The following BMPER variants were observed in gnomAD, a reference collection of about 807,000 sequenced individuals.
BMPER encodes BMP binding endothelial regulator, also known as BMP-binding endothelial regulator protein.
BMPER carries 45 observed loss-of-function variants against 87.3 expected under a neutral mutation model. The observed-to-expected ratio is 0.52, with a 90% confidence interval of 0.41 to 0.66. The LOEUF (loss-of-function observed/expected upper bound fraction) is 0.66. Ranked by LOEUF, BMPER falls within the 30% of genes least tolerant of loss-of-function variation. BMPER has a pLI of 0.00. For missense variants in BMPER, 784 were observed against 867.5 expected, an observed-to-expected ratio of 0.90 and a Z score of 1.21; for synonymous variants, 326 against 316.2, an observed-to-expected ratio of 1.03 and a Z score of -0.33.
rs746970847 is a variant in BMPER, at chr7:34,055,135, A to T, written c.787-28A>T. The T allele has an allele frequency of 4.3e-6, 7 of 1,613,922 alleles. No individual in the cohort carries two copies. In the East Asian group the frequency reaches 1.6e-4, roughly 36 times the overall value. On this transcript the variant is annotated intron_variant, in intron 8 of 14. Coordinates refer to ENST00000649409, the MANE Select transcript of BMPER (RefSeq NM_001365308.1). Reference sequence around the variant, plus strand: ...TTTGGTAGAGGCGAAAATCATTTTTAATTTCTATTTTGCCTTTGGGCCCCC... The same window carrying T: ...TTTGGTAGAGGCGAAAATCATTTTTTATTTCTATTTTGCCTTTGGGCCCCC...
chr7:34,013,314 T>A (rs1353918251), intron 6 of BMPER, among the ~76,000 whole-genome samples: 1 of 151,748 alleles, frequency 6.6e-6, no homozygotes, highest in East Asian at 2.0e-4. Flanking sequence ...CTGAGTCCTA[T>A]AGAGTTTGTA....
intron 6 of BMPER, among the ~76,000 whole-genome samples, chr7:34,029,970 G>T: frequency 6.6e-6 from 1 of 152,032 alleles, no homozygotes; most frequent in Non-Finnish European, 1.5e-5. Context: ...TTGGAAAAGG[G>T]TCATGTTGAA....
At chr7:33,956,784 A>T (rs1184861118) in intron 3 of BMPER, among the ~76,000 whole-genome samples, 2 of 152,246 alleles carry the variant, frequency 1.3e-5, no homozygotes, top group African/African-American at 4.8e-5. Flanking sequence ...ACAGTGTATA[A>T]TACACATAAC....
At chr7:34,117,188 T>A (rs1198940357) in intron 13 of BMPER, among the ~76,000 whole-genome samples, 4 of 152,196 alleles carry the variant, frequency 2.6e-5, no homozygotes, top group African/African-American at 9.6e-5. Context: ...TTATTTATAA[T>A]ACAAAATGTT....
intron 13 of BMPER, among the ~76,000 whole-genome samples, chr7:34,117,833 A>G (rs1208123640): frequency 6.6e-6 from 1 of 152,208 alleles, no homozygotes; most frequent in Non-Finnish European, 1.5e-5. Flanking sequence ...TTAATGTAAT[A>G]AGCGCAGGCC....
chr7:34,051,139 C>G (rs1448487387), intron 7 of BMPER, among the ~76,000 whole-genome samples: 1 of 152,106 alleles, frequency 6.6e-6, no homozygotes. Flanking sequence ...TGAGGGTTCT[C>G]TCTGGAGCCT....
chr7:34,124,724 A>T (rs1790355308), intron 13 of BMPER, among the ~76,000 whole-genome samples: 1 of 152,154 alleles, frequency 6.6e-6, no homozygotes, highest in African/African-American at 2.4e-5. Context: ...AATGAAAAGC[A>T]TCCTTTTTTT....
At chr7:33,970,581 C>G (rs995436554) in intron 5 of BMPER, among the ~76,000 whole-genome samples, 162 bp downstream of exon 5, 19 of 152,156 alleles carry the variant, frequency 1.2e-4, no homozygotes, top group Non-Finnish European at 2.4e-4. Flanking sequence ...GCTTGGCTGC[C>G]TCGGTGTGCC....
intron 6 of BMPER, among the ~76,000 whole-genome samples, chr7:33,991,752 T>C (rs1462595523): frequency 2.0e-5 from 3 of 149,912 alleles, no homozygotes; most frequent in Non-Finnish European, 3.0e-5. Flanking sequence ...TTGTGGGCAT[T>C]TAGTGCTATA....
chr7:34,003,776 A>G (rs1046745206), intron 6 of BMPER, among the ~76,000 whole-genome samples: 2 of 152,010 alleles, frequency 1.3e-5, no homozygotes, highest in East Asian at 3.9e-4. Flanking sequence ...TTGATGATGA[A>G]TCAGCTATTT....
chr7:34,099,969 A>G (rs1789635194), intron 13 of BMPER, among the ~76,000 whole-genome samples: 2 of 151,814 alleles, frequency 1.3e-5, no homozygotes, highest in African/African-American at 4.8e-5. Flanking sequence ...ATGCACTCCT[A>G]CCTTTGCCTA....
chr7:34,019,508 A>C (rs889471642), intron 6 of BMPER, among the ~76,000 whole-genome samples: 2 of 152,044 alleles, frequency 1.3e-5, no homozygotes, highest in Admixed American at 6.6e-5. Context: ...GAATGAGCTC[A>C]TGCAGCCTTC....
chr7:34,045,827 A>G (rs1309731029), intron 6 of BMPER, among the ~76,000 whole-genome samples: 2 of 152,090 alleles, frequency 1.3e-5, no homozygotes, highest in Non-Finnish European at 2.9e-5. Context: ...CTATAGAAAG[A>G]TGGGTGACTG....
chr7:34,134,713 G>A (rs1025460620), intron 13 of BMPER, among the ~76,000 whole-genome samples: 1 of 152,152 alleles, frequency 6.6e-6, no homozygotes, highest in Non-Finnish European at 1.5e-5. Context: ...TTAGATGGGC[G>A]AGAATTTAAC....
intron 14 of BMPER, among the ~76,000 whole-genome samples, chr7:34,149,596 G>A (rs28498954): frequency 0.08 from 12,132 of 152,160 alleles, 1,265 homozygotes; most frequent in African/African-American, 0.24. Context: ...TCCAGGAGGT[G>A]ATGTGAACAT....
chr7:33,911,874 A>G (rs767367736), intron 2 of BMPER, among the ~76,000 whole-genome samples: 18 of 152,206 alleles, frequency 1.2e-4, no homozygotes, highest in Non-Finnish European at 2.1e-4. Flanking sequence ...TTATTTCCTC[A>G]TATGGAATAG....
intron 13 of BMPER, among the ~76,000 whole-genome samples, chr7:34,093,214 C>A (rs972917816): frequency 6.6e-6 from 1 of 152,198 alleles, no homozygotes; most frequent in African/African-American, 2.4e-5. Flanking sequence ...GCTGTCCTCA[C>A]CTCGTGGCAT....
intron 3 of BMPER, among the ~76,000 whole-genome samples, chr7:33,964,580 T>A (rs1785357317): frequency 6.6e-6 from 1 of 152,208 alleles, no homozygotes; most frequent in African/African-American, 2.4e-5. Context: ...GTTGGGTTCC[T>A]TGCACTGTGG....
intron 6 of BMPER, among the ~76,000 whole-genome samples, chr7:34,003,801 T>G (rs2127936744): frequency 6.6e-6 from 1 of 152,226 alleles, no homozygotes; most frequent in Non-Finnish European, 1.5e-5. Context: ...GATGCTCTCT[T>G]GTATATAATG....
Sources: allele counts gnomAD v4.1 joint callset (sites outside exome capture counted in the v4.1 genomes callset), GRCh38; gene constraint gnomAD v4.1.1; transcripts MANE v1.5; gene names NCBI Gene and HGNC (gene_info 2026-07-23, HGNC 2026-07-21).